GALNT13: variants seen among roughly 807,000 people sequenced by gnomAD.
GALNT13 encodes UDP-GalNAc:polypeptide N-acetylgalactosaminyltransferase 13.
In GALNT13, 28 loss-of-function variants were observed where a neutral mutation model predicts 64.2. The observed-to-expected ratio is 0.44, with a 90% CI of 0.32 to 0.60. The LOEUF is 0.60. Among genes scored for constraint, GALNT13 ranks in the 20% least tolerant of loss-of-function variants. The pLI, the probability that GALNT13 is intolerant of heterozygous loss-of-function variation, is 0.05. For missense variants in GALNT13, 577 were observed against 669.8 expected (o/e 0.86, Z 1.53); for synonymous variants, 214 against 224.6 (o/e 0.95, Z 0.42).
the GALNT13 span, among the ~76,000 whole-genome samples, chr2:153,248,541 G>T: frequency 6.6e-6 from 1 of 151,492 alleles, no homozygotes; most frequent in African/African-American, 2.4e-5. Context: ...TCGGCCGGGC[G>T]TGGTGGCTCA....
the GALNT13 span, among the ~76,000 whole-genome samples, chr2:153,527,869 G>T: frequency 6.6e-6 from 1 of 152,000 alleles, no homozygotes; most frequent in Non-Finnish European, 1.5e-5. Context: ...TAAAATAGTG[G>T]TTTGTAAGAT....
At chr2:154,252,398 C>G (rs373584129) in intron 7 of GALNT13, among the ~76,000 whole-genome samples, 2 of 151,264 alleles carry the variant, frequency 1.3e-5, no homozygotes, top group African/African-American at 4.8e-5. Context: ...CTCTGTCACC[C>G]AGGCTGGAGT....
At chr2:153,805,575 T>A in the GALNT13 span, among the ~76,000 whole-genome samples, 1 of 152,056 alleles carries the variant, frequency 6.6e-6, no homozygotes, top group South Asian at 2.1e-4. Flanking sequence ...GTAGAATGAA[T>A]CCTACATGAG....
At chr2:154,112,808 T>G (rs59155432) in intron 3 of GALNT13, among the ~76,000 whole-genome samples, 22 of 152,250 alleles carry the variant, frequency 1.4e-4, no homozygotes, top group African/African-American at 5.1e-4. Flanking sequence ...GTCCTAGTTT[T>G]CTCTTTCTCT....
At chr2:153,145,439 A>G in the GALNT13 span, among the ~76,000 whole-genome samples, 1 of 152,118 alleles carries the variant, frequency 6.6e-6, no homozygotes, top group South Asian at 2.1e-4. Flanking sequence ...TAAAAAATAT[A>G]CCTAGTTGGA....
rs1192035883 is a variant in GALNT13 at position 154,452,410 on chromosome 2, T to A, written c.*1859T>A. ...TCTTTACACTCCTTTTCTCCCCTCA[T>A]TTCCTCTTCTCCTTACTAAGGTAAA... On this transcript the variant is annotated 3_prime_UTR_variant, in exon 13 of 13. Coordinates refer to ENST00000392825, the MANE Select transcript of GALNT13 (RefSeq NM_052917.4). 6.6e-6 allele frequency: 1 copy of A among 152,068 alleles called. No homozygotes were observed. Among genetic ancestry groups the A allele is most frequent in the Admixed American group, 6.6e-5 (1 of 15,230 alleles). 9.4% of individuals were successfully genotyped at this position (152,068 alleles called of 1,614,324 possible). A position where few individuals can be genotyped will look rare whatever the true frequency, so the allele number is the denominator to read the frequency against.
the GALNT13 span, among the ~76,000 whole-genome samples, chr2:153,431,378 T>C: frequency 6.6e-6 from 1 of 152,154 alleles, no homozygotes; most frequent in South Asian, 2.1e-4. Flanking sequence ...CATGTGTAGA[T>C]GTCTTTCAGC....
intron 11 of GALNT13, among the ~76,000 whole-genome samples, chr2:154,433,964 CCTAAT>C (rs1700818225): frequency 6.6e-6 from 1 of 152,030 alleles, no homozygotes; most frequent in South Asian, 2.1e-4. Context: ...ATTAGGGTGC[CCTAAT>C]CTAATGTAAC....
chr2:153,290,340 G>A, the GALNT13 span, among the ~76,000 whole-genome samples: 1 of 152,106 alleles, frequency 6.6e-6, no homozygotes, highest in Non-Finnish European at 1.5e-5. Flanking sequence ...CACAAAGAAA[G>A]CATTATTGAA....
the GALNT13 span, among the ~76,000 whole-genome samples, chr2:153,131,701 T>G: frequency 1.3e-5 from 2 of 152,186 alleles, no homozygotes; most frequent in Non-Finnish European, 2.9e-5. Flanking sequence ...TTCATGTTTT[T>G]AAAAACATTC....
At chr2:153,097,037 T>C in the GALNT13 span, among the ~76,000 whole-genome samples, 7 of 152,274 alleles carry the variant, frequency 4.6e-5, no homozygotes, top group African/African-American at 1.7e-4. Context: ...GTGTTCGTTG[T>C]ATGTTTTTTG....
chr2:154,296,897 C>A (rs957924407), intron 8 of GALNT13, among the ~76,000 whole-genome samples: 1 of 152,142 alleles, frequency 6.6e-6, no homozygotes, highest in East Asian at 1.9e-4. Context: ...TGGAGAAGAC[C>A]TCTCTGATGA....
At chr2:153,200,611 A>G in the GALNT13 span, among the ~76,000 whole-genome samples, 4 of 152,226 alleles carry the variant, frequency 2.6e-5, no homozygotes, top group Admixed American at 6.5e-5. Flanking sequence ...ATTGCCTAAA[A>G]TCTAGCAAAA....
the GALNT13 span, among the ~76,000 whole-genome samples, chr2:153,113,104 T>G: frequency 2.6e-5 from 4 of 152,218 alleles, no homozygotes; most frequent in South Asian, 8.3e-4. Context: ...GTTACTGATT[T>G]TCAAAAACAT....
chr2:153,541,355 C>A, the GALNT13 span, among the ~76,000 whole-genome samples: 1 of 152,178 alleles, frequency 6.6e-6, no homozygotes, highest in African/African-American at 2.4e-5. Context: ...AATCAAATCT[C>A]TTTCCTTTAT....
the GALNT13 span, among the ~76,000 whole-genome samples, chr2:153,552,012 T>C: frequency 2.0e-5 from 3 of 151,960 alleles, no homozygotes; most frequent in Non-Finnish European, 2.9e-5. Context: ...AAGAAAAAAA[T>C]CTAGGAGAGC....
At chr2:153,191,068 T>C in the GALNT13 span, among the ~76,000 whole-genome samples, 1 of 152,140 alleles carries the variant, frequency 6.6e-6, no homozygotes, top group African/African-American at 2.4e-5. Flanking sequence ...CTTTATTTCA[T>C]TCTCTTGCCA....
At chr2:154,246,785 C>G (rs1193027162) in intron 7 of GALNT13, among the ~76,000 whole-genome samples, 1 of 152,048 alleles carries the variant, frequency 6.6e-6, no homozygotes, top group African/African-American at 2.4e-5. Flanking sequence ...TAAGTCCTCA[C>G]TTAGCATTGT....
chr2:154,054,246 G>T (rs1270831894), intron 3 of GALNT13, among the ~76,000 whole-genome samples: 3 of 151,748 alleles, frequency 2.0e-5, no homozygotes, highest in African/African-American at 4.8e-5. Context: ...TGCCTTGTTT[G>T]TAGTTTTTTT....
Sources: allele counts gnomAD v4.1 joint callset (sites outside exome capture counted in the v4.1 genomes callset), GRCh38; gene constraint gnomAD v4.1.1; transcripts MANE v1.5; gene names NCBI Gene and HGNC (gene_info 2026-07-23, HGNC 2026-07-21).